SGSM1: variants seen among roughly 807,000 people sequenced by gnomAD.
SGSM1 encodes the protein RUN and TBC1 domain containing 2.
Under a neutral mutation model 133.8 loss-of-function variants are expected in SGSM1, and 73 were observed. That is an observed-to-expected ratio of 0.55 (90% CI 0.45 to 0.66). SGSM1 has a LOEUF of 0.66. SGSM1 is among the 30% of genes least tolerant of loss of function. The pLI, the probability that SGSM1 is intolerant of heterozygous loss-of-function variation, is 0.00. For missense variants in SGSM1, 1,213 were observed against 1,448.1 expected, an observed-to-expected ratio of 0.84 and a Z score of 2.64; for synonymous variants, 563 against 573.0, an observed-to-expected ratio of 0.98 and a Z score of 0.25.
At chr22:24,879,333 C>T (rs1405781121) in intron 13 of SGSM1, 129 bp from the exon 14 acceptor site, 6 of 780,410 alleles carry the variant, frequency 7.7e-6, no homozygotes, top group Admixed American at 2.3e-5. Flanking sequence ...TAATAGCAGC[C>T]CTCCCTACAG....
intron 21 of SGSM1, 93 bp downstream of exon 21, chr22:24,905,280 G>C (rs1201022524): frequency 7.8e-7 from 1 of 1,280,980 alleles, no homozygotes; most frequent in East Asian, 2.3e-5. Flanking sequence ...TCTGTAGAAT[G>C]TGGCTCCAGC....
rs1932849818 is a variant in SGSM1, at chr22:24,893,475, G to A, written c.1815G>A (p.Glu605=). 1.2e-6 allele frequency: 2 copies of A among 1,613,956 alleles called. No individual in the cohort carries two copies. The highest frequency in any genetic ancestry group is 1.7e-6 in the Non-Finnish European group (2 of 1,179,866). ...CCTGCTATGCACAGACCATGGCTGA[G>A]TGGCTGGGCTGCGAGGCGATCGTGC... ...IHACYAQTMA[E]WLGCEAIVRQ... Residue 605 remains glutamate (E), a synonymous_variant, in exon 17 of 25, where the codon GAG becomes GAA. Coordinates refer to ENST00000400358, the MANE Select transcript of SGSM1 (RefSeq NM_001098497.3).
At chr22:24,844,522 G>A (rs971044269) in intron 2 of SGSM1, 74 of 153,496 alleles carry the variant, frequency 4.8e-4, no homozygotes, top group African/African-American at 3.2e-4. Context: ...GCGAAACTCC[G>A]TCTAAAAAAA....
chr22:24,887,622 A>G (rs1013952809), intron 16 of SGSM1, among the ~76,000 whole-genome samples: 2 of 152,170 alleles, frequency 1.3e-5, no homozygotes, highest in Non-Finnish European at 2.9e-5. Context: ...GCTGGGTCAT[A>G]TAGTAGTCGC....
Position 24,898,215 on chromosome 22 carries a change from G to A in SGSM1, c.2266G>A (p.Val756Met), listed in dbSNP as rs375076898. The A allele has an allele frequency of 1.1e-5, 17 of 1,613,488 alleles. No individual in the cohort carries two copies. The highest frequency in any genetic ancestry group is 5.0e-5 in the Admixed American group (3 of 59,990). The change falls in exon 19 of 25, where the codon GTG becomes ATG. Residue 756 changes from valine (V) to methionine (M), a missense_variant. By Grantham distance (21) the Val-to-Met change is conservative. Transcript: ENST00000400358. The part of the protein sequence containing the change: ...PTVLRPRDGS[V>M]DDRQSSEATT... The stretch of plus-strand genomic sequence containing the variant: ...GGTGCTGCGACCTAGGGATGGCAGC[G>A]TGGATGACAGGCAGAGCAGCGAGGC...
At position 24,825,631 on chromosome 22, in the gene SGSM1, T is replaced by C. The variant is rs142742276; in HGVS notation, c.63+19147T>C. Among the ~76,000 whole-genome samples the C allele has an allele frequency of 2.8e-3, 428 of 152,194 alleles. 1 individual carries two copies. Among genetic ancestry groups the C allele is most frequent in the African/African-American group, 9.5e-3 (395 of 41,526 alleles). On this transcript the variant is annotated intron_variant, in intron 2 of 24. Transcript: ENST00000400358. ...TTTTAGTAGAGACGGGGTGTTACCGTATTGGCCAGGCTGGTCTCGAACTCC... is the reference window on the plus strand; with the variant it reads ...TTTTAGTAGAGACGGGGTGTTACCGCATTGGCCAGGCTGGTCTCGAACTCC...
intron 2 of SGSM1, among the ~76,000 whole-genome samples, chr22:24,825,532 C>T (rs1396782685): frequency 1.3e-5 from 2 of 152,180 alleles, no homozygotes; most frequent in Non-Finnish European, 2.9e-5. Context: ...TGGGTTCACA[C>T]GATTCTCCTG....
chr22:24,841,713 A>G (rs2147828387), intron 2 of SGSM1, among the ~76,000 whole-genome samples: 1 of 152,326 alleles, frequency 6.6e-6, no homozygotes, highest in East Asian at 1.9e-4. Flanking sequence ...AACATTTTGA[A>G]GGTACAACCA....
At chr22:24,840,320 A>T (rs1354552221) in intron 2 of SGSM1, among the ~76,000 whole-genome samples, 1 of 151,622 alleles carries the variant, frequency 6.6e-6, no homozygotes, top group Non-Finnish European at 1.5e-5. Context: ...TCTAATCTTT[A>T]TTTTTTAATT....
At chr22:24,872,885 C>T (rs1334804480) in intron 12 of SGSM1, among the ~76,000 whole-genome samples, 3 of 151,782 alleles carry the variant, frequency 2.0e-5, no homozygotes, top group African/African-American at 2.4e-5. Flanking sequence ...TGCCATTGCG[C>T]TCCAGCCTGG....
At chr22:24,898,686 T>G in intron 19 of SGSM1, 127 bp downstream of exon 19, 1 of 925,858 alleles carries the variant, frequency 1.1e-6, no homozygotes, top group Non-Finnish European at 1.6e-6. Flanking sequence ...TTTTCCGTCA[T>G]GGAGGATTCA....
Position 24,850,395 on chromosome 22 carries a change from C to T in SGSM1, c.418C>T (p.Leu140=). Residue 140 remains leucine, a synonymous_variant, in exon 5 of 25, where the codon CTG becomes TTG. Transcript: ENST00000400358. ...TCGCACAGCCTTGTTTGAGAAGGTCCTGGACAAAATTGTGCATTACCTTGT... is the reference window on the plus strand; with the variant it reads ...TCGCACAGCCTTGTTTGAGAAGGTCTTGGACAAAATTGTGCATTACCTTGT... The part of the protein sequence containing the change: ...WIRTALFEKV[L]DKIVHYLVEN... 1 of 1,613,980 alleles carries T rather than the reference C, an allele frequency of 6.2e-7. No homozygotes were observed. Among genetic ancestry groups the T allele is most frequent in the Admixed American group, 1.7e-5 (1 of 60,018 alleles).
At chr22:24,868,282 T>C (rs1931566958) in intron 10 of SGSM1, 94 bp from the exon 11 acceptor site, 1 of 1,504,150 alleles carries the variant, frequency 6.6e-7, no homozygotes, top group Non-Finnish European at 8.9e-7. Context: ...TGGGTCTGGC[T>C]TGGCACCCCT....
intron 8 of SGSM1, among the ~76,000 whole-genome samples, chr22:24,857,472 A>G (rs369501846): frequency 6.1e-5 from 9 of 146,646 alleles, no homozygotes; most frequent in South Asian, 2.2e-4. Context: ...GTTTTGTTTT[A>G]TTTGCTACTT....
At chr22:24,809,745 C>T (rs764200297) in intron 2 of SGSM1, among the ~76,000 whole-genome samples, 6 of 152,166 alleles carry the variant, frequency 3.9e-5, no homozygotes, top group South Asian at 2.1e-4. Context: ...TGGGGCTGAC[C>T]TTGCAGCGGA....
intron 16 of SGSM1, among the ~76,000 whole-genome samples, chr22:24,887,415 G>T (rs967630389): frequency 6.6e-6 from 1 of 152,162 alleles, no homozygotes; most frequent in African/African-American, 2.4e-5. Context: ...CATCCAAGTT[G>T]TTGAGAGTAT....
intron 5 of SGSM1, among the ~76,000 whole-genome samples, chr22:24,852,728 C>T (rs1035886258): frequency 1.3e-5 from 2 of 152,162 alleles, no homozygotes; most frequent in African/African-American, 4.8e-5. Context: ...CAAGCATGAG[C>T]CACTGTGCCT....
intron 9 of SGSM1, among the ~76,000 whole-genome samples, chr22:24,861,351 C>CAA (rs139707): frequency 0.048 from 3,609 of 75,756 alleles, 111 homozygotes; most frequent in East Asian, 0.11. Flanking sequence ...GACTCTGTCT[C>CAA]AAAAAAAAAA....
At chr22:24,919,710 C>G (rs1025604612) in intron 23 of SGSM1, 116 bp from the exon 24 acceptor site, 37 of 1,152,502 alleles carry the variant, frequency 3.2e-5, no homozygotes, top group Non-Finnish European at 4.5e-5. Flanking sequence ...CACCAGGGCA[C>G]AGGCATAAGG....
Sources: gnomAD v4.1 joint callset for allele counts (sites outside exome capture counted in the v4.1 genomes callset) on GRCh38, gnomAD v4.1.1 for gene constraint, MANE v1.5 for transcripts, NCBI Gene and HGNC (gene_info 2026-07-23, HGNC 2026-07-21) for gene names.